Variants in CAMTA1 observed in about 807,000 individuals in gnomAD.
CAMTA1 encodes calmodulin-binding transcription activator 1.
In CAMTA1, 27 loss-of-function variants were observed where a neutral mutation model predicts 170.9. That is an observed-to-expected ratio of 0.16 (90% confidence interval 0.12 to 0.22). The LOEUF is 0.22. Ranked by LOEUF, CAMTA1 falls within the 10% of genes least tolerant of loss-of-function variation. The probability of loss-of-function intolerance (pLI) is 1.00; values close to 1 mark genes in which losing one functional copy is unlikely to be tolerated. For synonymous variants in CAMTA1, 833 were observed against 891.5 expected (o/e 0.93, Z 1.17); for missense variants, 1,619 against 2,217.2 (o/e 0.73, Z 5.42).
At chr1:7,492,973 TCAAACACAAACATACAAACGCGCACA>T (rs760067718) in intron 6 of CAMTA1, among the ~76,000 whole-genome samples, 85 of 98,790 alleles carry the variant, frequency 8.6e-4, no homozygotes, top group Non-Finnish European at 1.3e-3. Flanking sequence ...ACACATGCGC[TCAAACACAAACATACAAACGCGCACA>T]CAAACACAAA....
Position 7,435,797 on chromosome 1 carries a change from G to A in CAMTA1, c.439-32033G>A, listed in dbSNP as rs1015240536. On this transcript the variant is annotated intron_variant, in intron 5 of 22. Coordinates refer to ENST00000303635, the MANE Select transcript of CAMTA1 (RefSeq NM_015215.4). This position sits in a 1 kb window ranked among gnomAD's most constrained non-coding sequence, Gnocchi z 4.4. Reference sequence around the variant, plus strand: ...AATCCACGCAGAGAGCCCTCCTCATGGCCCGGCTCAGGGAGCCACCCTCCC... The same window carrying A: ...AATCCACGCAGAGAGCCCTCCTCATAGCCCGGCTCAGGGAGCCACCCTCCC... Among the ~76,000 whole-genome samples the A allele has an allele frequency of 6.6e-6, 1 of 152,200 alleles. No homozygotes were observed. The highest frequency in any genetic ancestry group is 1.5e-5 in the Non-Finnish European group (1 of 68,030).
intron 3 of CAMTA1, among the ~76,000 whole-genome samples, chr1:6,873,050 C>T (rs907488212): frequency 4.6e-5 from 7 of 152,188 alleles, no homozygotes; most frequent in Non-Finnish European, 8.8e-5. Flanking sequence ...TTCAGGCTCA[C>T]GAGCTTGTTC....
intron 1 of CAMTA1, among the ~76,000 whole-genome samples, chr1:6,818,161 A>AC (rs571767912): frequency 3.3e-5 from 5 of 152,036 alleles, no homozygotes; most frequent in Non-Finnish European, 7.4e-5. Flanking sequence ...ATATGGTGAA[A>AC]CCCCATCTCT....
intron 4 of CAMTA1, among the ~76,000 whole-genome samples, chr1:7,123,873 A>T (rs1644784378): frequency 6.6e-6 from 1 of 152,156 alleles, no homozygotes; most frequent in South Asian, 2.1e-4. Context: ...GTGGGGTTGC[A>T]TCCAAGTCCA....
chr1:7,418,764 A>G (rs2091364017), intron 5 of CAMTA1, among the ~76,000 whole-genome samples: 1 of 152,136 alleles, frequency 6.6e-6, no homozygotes, highest in African/African-American at 2.4e-5. Flanking sequence ...CTGTCCTTCC[A>G]AGCTCTCTGG....
Position 6,887,530 on chromosome 1 carries a change from T to G in CAMTA1, c.234+62320T>G, listed in dbSNP as rs2149113106. 7.1e-7 allele frequency: 1 copy of G among 1,411,988 alleles called. No individual in the cohort carries two copies. Among genetic ancestry groups the G allele is most frequent in the Middle Eastern group, 1.8e-4 (1 of 5,408 alleles). 87.5% of individuals were successfully genotyped at this position (1,411,988 alleles called of 1,614,324 possible). On this transcript the variant is annotated intron_variant, in intron 3 of 22. Transcript: ENST00000303635. This position sits in a 1 kb window ranked among gnomAD's most constrained non-coding sequence, Gnocchi z 4.1. Reference sequence around the variant, plus strand: ...CGTATGTGTGTGTTTAATATATACTTTAGTTTGCCTTTACCCAGATGTCTC... The same window carrying G: ...CGTATGTGTGTGTTTAATATATACTGTAGTTTGCCTTTACCCAGATGTCTC...
chr1:7,653,322 C>A (rs943554124), intron 7 of CAMTA1, among the ~76,000 whole-genome samples: 4 of 152,158 alleles, frequency 2.6e-5, no homozygotes, highest in Admixed American at 1.3e-4. Context: ...AGTGCAGTGG[C>A]CCGATCACAG....
chr1:7,537,163 C>A (rs1425841360), intron 6 of CAMTA1, among the ~76,000 whole-genome samples: 1 of 152,174 alleles, frequency 6.6e-6, no homozygotes, highest in East Asian at 1.9e-4. Context: ...AGGCATGTGG[C>A]CTAAGCAGGA....
intron 4 of CAMTA1, among the ~76,000 whole-genome samples, chr1:7,228,759 C>G (rs998246791): frequency 8.5e-5 from 13 of 152,160 alleles, no homozygotes; most frequent in African/African-American, 3.1e-4. Context: ...AGGAACCAAC[C>G]AGGATGCTGG....
At chr1:7,564,638 G>GTA (rs2095013266) in intron 6 of CAMTA1, among the ~76,000 whole-genome samples, 1 of 149,188 alleles carries the variant, frequency 6.7e-6, no homozygotes, top group African/African-American at 2.5e-5. Context: ...GTTTGCAGGC[G>GTA]TGTGTGTGTG....
At chr1:7,500,828 G>A (rs977544676) in intron 6 of CAMTA1, among the ~76,000 whole-genome samples, 6 of 152,106 alleles carry the variant, frequency 3.9e-5, no homozygotes, top group Non-Finnish European at 8.8e-5. Context: ...AGCAAGTCTC[G>A]GTGACATCAG....
chr1:7,357,162 T>C (rs2085180262), intron 5 of CAMTA1, among the ~76,000 whole-genome samples: 1 of 152,228 alleles, frequency 6.6e-6, no homozygotes, highest in Non-Finnish European at 1.5e-5. Context: ...GGCCCTGCGA[T>C]GTCATCCAGT....
chr1:6,997,005 G>A (rs1697363323), intron 3 of CAMTA1, among the ~76,000 whole-genome samples: 2 of 151,986 alleles, frequency 1.3e-5, no homozygotes, highest in African/African-American at 4.8e-5. Context: ...ATGTCTTTTC[G>A]CTTCCAGATG....
intron 11 of CAMTA1, among the ~76,000 whole-genome samples, chr1:7,691,805 G>A (rs1035490540): frequency 6.6e-6 from 1 of 152,206 alleles, no homozygotes; most frequent in Non-Finnish European, 1.5e-5. Flanking sequence ...ACTGAATAAA[G>A]CACATCTGTG....
rs769277605 is a variant in CAMTA1 at position 7,173,093 on chromosome 1, G to A, written c.303-76398G>A. Among the ~76,000 whole-genome samples, 13 of 152,340 alleles carry A rather than the reference G, an allele frequency of 8.5e-5. No individual in the cohort carries two copies. Among genetic ancestry groups the A allele is most frequent in the African/African-American group, 2.4e-4 (10 of 41,586 alleles). ...GGCTCCGAAGCAAGAGCAGCCAGAC[G>A]CTGCGTCCCTCCTGTCTCTTCAGCT... On this transcript the variant is annotated intron_variant, in intron 4 of 22. Coordinates refer to ENST00000303635, the MANE Select transcript of CAMTA1 (RefSeq NM_015215.4). The surrounding 1 kb of genome is among the most constrained non-coding windows in gnomAD (Gnocchi z 5.4).
intron 11 of CAMTA1, among the ~76,000 whole-genome samples, chr1:7,719,277 T>C (rs551063521): frequency 2.0e-5 from 3 of 152,244 alleles, no homozygotes; most frequent in African/African-American, 7.2e-5. Flanking sequence ...GAGAATAGGT[T>C]TGAGATTTTC....
intron 3 of CAMTA1, among the ~76,000 whole-genome samples, chr1:6,903,523 G>C (rs1178771034): frequency 6.6e-6 from 1 of 152,148 alleles, no homozygotes; most frequent in Non-Finnish European, 1.5e-5. Context: ...TTTCTATGTG[G>C]TGCATCTTGT....
At chr1:7,505,676 A>C (rs962398472) in intron 6 of CAMTA1, among the ~76,000 whole-genome samples, 1 of 152,200 alleles carries the variant, frequency 6.6e-6, no homozygotes, top group Non-Finnish European at 1.5e-5. Flanking sequence ...CACATGAGGC[A>C]GCACATTTGG....
chr1:7,073,942 C>G (rs976941740), intron 3 of CAMTA1, among the ~76,000 whole-genome samples: 2 of 152,194 alleles, frequency 1.3e-5, no homozygotes, highest in South Asian at 4.1e-4. Context: ...GACAACACCT[C>G]TATCACAGAG....
Sources: gnomAD v4.1 joint callset for allele counts (sites outside exome capture counted in the v4.1 genomes callset) on GRCh38, gnomAD v4.1.1 for gene constraint, Gnocchi (gnomAD v3.1) non-coding constraint, MANE v1.5 for transcripts, NCBI Gene and HGNC (gene_info 2026-07-23, HGNC 2026-07-21) for gene names.